The following UBAP2 variants were observed in gnomAD, a reference collection of about 807,000 sequenced individuals.
The protein encoded by UBAP2 is ubiquitin associated protein 2, also known as ubiquitin-associated protein 2.
In UBAP2, 75 loss-of-function variants were observed where a neutral mutation model predicts 139.6. That is an observed-to-expected ratio of 0.54 (90% CI 0.45 to 0.65). The LOEUF is 0.65. UBAP2 is among the 30% of genes least tolerant of loss of function. UBAP2 has a pLI of 0.00. For synonymous variants in UBAP2, 526 were observed against 526.2 expected (o/e 1.00, Z 0.01); for missense variants, 1,368 against 1,369.6 (o/e 1.00, Z 0.02).
intron 6 of UBAP2, among the ~76,000 whole-genome samples, chr9:33,980,410 AT>A (rs35494081): frequency 2.0e-3 from 271 of 134,374 alleles, no homozygotes; most frequent in African/African-American, 2.8e-3. Flanking sequence ...CTTTTTTTGT[AT>A]TTTTTTTTTT....
At chr9:33,961,950 T>G (rs1295793398) in intron 9 of UBAP2, among the ~76,000 whole-genome samples, 5 of 152,220 alleles carry the variant, frequency 3.3e-5, no homozygotes, top group African/African-American at 1.2e-4. Context: ...TGGCTCTCTG[T>G]GAAATGTGAT....
At chr9:33,987,036 C>A (rs1821277122) in intron 5 of UBAP2, among the ~76,000 whole-genome samples, 199 bp from the exon 6 acceptor site, 1 of 152,096 alleles carries the variant, frequency 6.6e-6, no homozygotes, top group South Asian at 2.1e-4. Context: ...ACTTGTAATT[C>A]CAGCACTTGT....
chr9:33,931,497 G>C (rs935784155), intron 19 of UBAP2, among the ~76,000 whole-genome samples: 12 of 152,200 alleles, frequency 7.9e-5, no homozygotes, highest in Middle Eastern at 3.2e-3. Context: ...ACAGAGGACA[G>C]CTCCACGGCA....
At position 33,953,294 on chromosome 9, in the gene UBAP2, A is replaced by G; in HGVS notation, c.1047T>C (p.Pro349=). The part of the protein sequence containing the change: ...GSSTAVNSCS[P]QSLSSVLGSG... ...AATAAAAGTGAGTTACCAGGCTCTG[A>G]GGAGAACAGGAGTTGACGGCAGTGG... Residue 349 remains proline, a synonymous_variant, in exon 12 of 29, where the codon CCT becomes CCC. Coordinates refer to ENST00000379238, the MANE Select transcript of UBAP2 (RefSeq NM_001370062.2). 1 of 1,613,822 alleles carries G rather than the reference A, an allele frequency of 6.2e-7. No homozygotes were observed. Among genetic ancestry groups the G allele is most frequent in the East Asian group, 2.2e-5 (1 of 44,882 alleles).
At chr9:33,981,862 A>G (rs1358591885) in intron 6 of UBAP2, among the ~76,000 whole-genome samples, 1 of 150,622 alleles carries the variant, frequency 6.6e-6, no homozygotes, top group African/African-American at 2.4e-5. Context: ...GGAGGGAAGG[A>G]AGGAAGGAAG....
At chr9:33,937,275 A>G (rs1350106447) in intron 16 of UBAP2, among the ~76,000 whole-genome samples, 2 of 152,144 alleles carry the variant, frequency 1.3e-5, no homozygotes, top group East Asian at 3.9e-4. Context: ...TGGGGTGTAA[A>G]TAAGTAAAAT....
At chr9:33,935,558 C>A in intron 17 of UBAP2, 1 of 441,004 alleles carries the variant, frequency 2.3e-6, no homozygotes, top group Admixed American at 4.3e-5. Context: ...TCAGCCACCC[C>A]GCCTGGCCCA....
chr9:33,935,786 C>T lies in UBAP2; in HGVS notation c.1969+53G>A, dbSNP rs368603824. On this transcript the variant is annotated intron_variant, in intron 17 of 28. Transcript: ENST00000379238. Reference sequence around the variant, plus strand: ...TCCACATCACGTGAGCTATCCTCTTCCTCTGTTTGGTTGGCACCAGCCATG... The same window carrying T: ...TCCACATCACGTGAGCTATCCTCTTTCTCTGTTTGGTTGGCACCAGCCATG... 4.9e-5 allele frequency: 78 copies of T among 1,604,296 alleles called. 4 individuals carry two copies. The African/African-American group carries it at 6.0e-4, about 12-fold the overall frequency.
At chr9:33,970,311 TAAC>T (rs1487888040) in intron 8 of UBAP2, among the ~76,000 whole-genome samples, 1 of 152,136 alleles carries the variant, frequency 6.6e-6, no homozygotes, top group Non-Finnish European at 1.5e-5. Context: ...TGTTTTCAAA[TAAC>T]AACTTATAAA....
rs757502923 is a variant in UBAP2 at position 33,927,984 on chromosome 9, A to G, written c.2184T>C (p.Ser728=). 3 of 1,611,792 alleles carry G rather than the reference A, an allele frequency of 1.9e-6. No individual in the cohort carries two copies. In the Admixed American group the frequency reaches 5.0e-5, roughly 27 times the overall value. The stretch of plus-strand genomic sequence containing the variant: ...ACTGGTGGGAAGAGGCGCTCTCCAC[A>G]CTGGCATGCTGGCAAAAGAAAAGCC... ...LSSSTSHTHA[S]VESASSHQSS... is the part of the protein sequence containing the mutation. Residue 728 remains serine, a synonymous_variant, in exon 20 of 29, where the codon AGT becomes AGC. Coordinates refer to ENST00000379238, the MANE Select transcript of UBAP2 (RefSeq NM_001370062.2).
intron 8 of UBAP2, 36 bp from the exon 9 acceptor site, chr9:33,963,827 T>C (rs558027223): frequency 1.4e-6 from 2 of 1,462,464 alleles, no homozygotes; most frequent in African/African-American, 1.4e-5. Flanking sequence ...TTTAAACATA[T>C]GAAAAGAATG....
chr9:33,992,613 C>A (rs888490522), intron 4 of UBAP2, among the ~76,000 whole-genome samples: 2 of 112,940 alleles, frequency 1.8e-5, no homozygotes, highest in African/African-American at 6.5e-5. Context: ...GCCCCTCAAG[C>A]AAAGTCTTGG....
chr9:33,968,096 T>C (rs1343956742), intron 8 of UBAP2: 1 of 481,500 alleles, frequency 2.1e-6, no homozygotes, highest in East Asian at 4.8e-5. Context: ...GCCCGGCAGT[T>C]ACATTCTCAT....
intron 21 of UBAP2, 26 bp downstream of exon 21, chr9:33,926,963 G>T: frequency 6.2e-7 from 1 of 1,609,846 alleles, no homozygotes; most frequent in Non-Finnish European, 8.5e-7. Flanking sequence ...GAGCTGGGCA[G>T]GCCAGGAGTT....
In UBAP2 at chr9:33,943,577, C is replaced by A. The variant is rs1315509504; in HGVS notation, c.1558G>T (p.Ala520Ser). ...TCTGCTGAACCAGGCATTTCCACTG[C>A]AGAAGCTGGGATCTGAAAAAGCAAA... is the stretch of plus-strand genomic sequence containing the variant. Reference protein sequence around the residue: ...IPPASKIPASAVEMPGSADVT... With the variant: ...IPPASKIPASSVEMPGSADVT... The change falls in exon 15 of 29, where the codon GCA (alanine) becomes TCA (serine). Residue 520 changes from alanine to serine, a missense_variant. Ala to Ser is a moderately conservative substitution (Grantham distance 99). Coordinates refer to ENST00000379238, the MANE Select transcript of UBAP2 (RefSeq NM_001370062.2). The A allele has an allele frequency of 1.8e-5, 29 of 1,613,972 alleles. No individual in the cohort carries two copies. The highest frequency in any genetic ancestry group is 2.2e-5 in the Non-Finnish European group (26 of 1,179,980).
chr9:33,974,964 A>C, intron 6 of UBAP2, among the ~76,000 whole-genome samples: 1 of 151,752 alleles, frequency 6.6e-6, no homozygotes, highest in African/African-American at 2.4e-5. Context: ...GGGGCGGGCA[A>C]TGGACTTGAA....
intron 20 of UBAP2, 79 bp downstream of exon 20, chr9:33,927,718 T>C: frequency 1.4e-6 from 2 of 1,469,918 alleles, no homozygotes; most frequent in Non-Finnish European, 1.8e-6. Flanking sequence ...TCCTGACACC[T>C]GCACTGCCTT....
chr9:34,002,373 G>T (rs986352968), intron 2 of UBAP2, among the ~76,000 whole-genome samples: 2 of 123,716 alleles, frequency 1.6e-5, no homozygotes, highest in Non-Finnish European at 3.2e-5. Flanking sequence ...CCACTGCATA[G>T]GTGCTTTTTT....
intron 17 of UBAP2, chr9:33,934,394 C>A (rs370973276): frequency 9.0e-5 from 14 of 155,786 alleles, no homozygotes; most frequent in Middle Eastern, 5.2e-4. Context: ...AGAGGAGCAA[C>A]CTTGACCCTT....
Sources: gnomAD v4.1 joint callset for allele counts (sites outside exome capture counted in the v4.1 genomes callset) on GRCh38, gnomAD v4.1.1 for gene constraint, MANE v1.5 for transcripts, NCBI Gene and HGNC (gene_info 2026-07-23, HGNC 2026-07-21) for gene names.